Variants in MBD5 observed in about 807,000 individuals in gnomAD.
MBD5 encodes methyl-CpG binding domain protein 5.
Under a neutral mutation model 117.3 loss-of-function variants are expected in MBD5, and 13 were observed. The observed-to-expected ratio is 0.11, with a 90% CI of 0.07 to 0.18. The LOEUF (loss-of-function observed/expected upper bound fraction) is 0.18, where lower values mean the gene tolerates loss of function less well. MBD5 is among the 10% of genes least tolerant of loss of function. The pLI, the probability that MBD5 is intolerant of heterozygous loss-of-function variation, is 1.00. For synonymous variants in MBD5, 727 were observed against 766.4 expected, an observed-to-expected ratio of 0.95 and a Z score of 0.85; for missense variants, 1,879 against 2,093.8, an observed-to-expected ratio of 0.90 and a Z score of 2.00.
chr2:148,450,672 C>G (rs961508952), intron 4 of MBD5, among the ~76,000 whole-genome samples: 1 of 152,136 alleles, frequency 6.6e-6, no homozygotes, highest in Non-Finnish European at 1.5e-5. Context: ...AGGTGCAAAA[C>G]TTGAACAGTA....
chr2:148,442,121 T>TTAC lies in MBD5; in HGVS notation c.-556-16081_-556-16080insACT, dbSNP rs1179763985. On this transcript the variant is annotated intron_variant, in intron 4 of 13. Coordinates refer to ENST00000642680, the MANE Select transcript of MBD5 (RefSeq NM_001378120.1). Reference sequence around the variant, plus strand: ...GCTCTTTAGTTTACTTAGATCCCATTTGTCAATTTTGGCTTTTGTTGCCAT... The same window carrying TTAC: ...GCTCTTTAGTTTACTTAGATCCCATTTACTGTCAATTTTGGCTTTTGTTGCCAT... Among the ~76,000 whole-genome samples the TTAC allele has an allele frequency of 1.2e-3, 182 of 151,898 alleles. 2 individuals carry two copies. Among genetic ancestry groups the TTAC allele is most frequent in the African/African-American group, 3.9e-3 (159 of 41,188 alleles).
intron 4 of MBD5, among the ~76,000 whole-genome samples, chr2:148,439,505 C>T (rs1243184518): frequency 6.6e-6 from 1 of 152,036 alleles, no homozygotes; most frequent in Non-Finnish European, 1.5e-5. Flanking sequence ...ATTATAGTCC[C>T]TCAGTTTTGA....
intron 2 of MBD5, among the ~76,000 whole-genome samples, chr2:148,230,448 GCTGTC>G: frequency 6.6e-6 from 1 of 152,158 alleles, no homozygotes; most frequent in South Asian, 2.1e-4. Context: ...AGGGCAGCAG[GCTGTC>G]CTCTGACCCA....
chr2:148,176,629 G>A (rs1379858245), intron 1 of MBD5, among the ~76,000 whole-genome samples: 1 of 151,838 alleles, frequency 6.6e-6, no homozygotes, highest in Non-Finnish European at 1.5e-5. Flanking sequence ...GGCTGGTCTC[G>A]AACTCCTGAC....
In MBD5 at chr2:148,462,578, A is replaced by G. The variant is rs1204877833; in HGVS notation, c.114-4A>G. 1.3e-6 allele frequency: 2 copies of G among 1,569,538 alleles called. No homozygotes were observed. Among genetic ancestry groups the G allele is most frequent in the East Asian group, 4.5e-5 (2 of 44,526 alleles). ...CCTGATGTTTTTTTAAACTATTTTT[A>G]CAGTCCCAGTGGGTCTTTGTTATCT... is the stretch of plus-strand genomic sequence containing the variant. On this transcript the variant is annotated splice_polypyrimidine_tract_variant and splice_region_variant and intron_variant, in intron 5 of 13. Coordinates refer to ENST00000642680, the MANE Select transcript of MBD5 (RefSeq NM_001378120.1).
chr2:148,345,180 A>ATG (rs1271920032), intron 4 of MBD5, among the ~76,000 whole-genome samples: 46 of 150,728 alleles, frequency 3.1e-4, no homozygotes, highest in East Asian at 5.9e-4. Context: ...GGATATATAT[A>ATG]TGTGTGTGTG....
At chr2:148,342,956 T>C (rs1045829561) in intron 4 of MBD5, among the ~76,000 whole-genome samples, 1 of 151,978 alleles carries the variant, frequency 6.6e-6, no homozygotes, top group Non-Finnish European at 1.5e-5. Flanking sequence ...GTCCCTGTTG[T>C]CTATTGTTGC....
At position 148,323,772 on chromosome 2, in the gene MBD5, T is replaced by G. The variant is rs563781594; in HGVS notation, c.-679-18442T>G. ...TTGTCAGATGAGTAGGTTGCAAAAA[T>G]TTTCTCCCATTTTGTAGGTTGCCTG... On this transcript the variant is annotated intron_variant, in intron 3 of 13. Coordinates refer to ENST00000642680, the MANE Select transcript of MBD5 (RefSeq NM_001378120.1). Among the ~76,000 whole-genome samples, 32 of 152,266 alleles carry G rather than the reference T, an allele frequency of 2.1e-4. No homozygotes were observed. The South Asian group carries it at 3.3e-3, about 16-fold the overall frequency.
At chr2:148,037,229 A>G (rs1436745965) in intron 1 of MBD5, among the ~76,000 whole-genome samples, 1 of 151,984 alleles carries the variant, frequency 6.6e-6, no homozygotes, top group East Asian at 1.9e-4. Context: ...TCAAATAACC[A>G]AGTATTGACT....
At chr2:148,286,229 T>G (rs1167799688) in intron 3 of MBD5, among the ~76,000 whole-genome samples, 4 of 152,238 alleles carry the variant, frequency 2.6e-5, no homozygotes. Context: ...TTACTGATTT[T>G]TATTACTTTC....
chr2:148,021,705 T>C (rs1693741620), intron 1 of MBD5, 21 bp downstream of exon 1: 2 of 335,058 alleles, frequency 6.0e-6, no homozygotes, highest in Non-Finnish European at 1.2e-5. Context: ...CTGTGGGGGC[T>C]TCATTGCCTT....
intron 4 of MBD5, among the ~76,000 whole-genome samples, chr2:148,376,277 T>C (rs2105396467): frequency 6.7e-6 from 1 of 150,316 alleles, no homozygotes; most frequent in East Asian, 1.9e-4. Flanking sequence ...CTTTTCTTTT[T>C]TTTTTTTTGA....
intron 1 of MBD5, among the ~76,000 whole-genome samples, chr2:148,172,824 C>T (rs762172871): frequency 2.6e-4 from 39 of 152,098 alleles, no homozygotes; most frequent in Admixed American, 9.8e-4. Context: ...CTACCAGGTG[C>T]GGGAAGGAGC....
chr2:148,424,290 G>A (rs1705709953), intron 4 of MBD5, among the ~76,000 whole-genome samples: 1 of 148,584 alleles, frequency 6.7e-6, no homozygotes, highest in Non-Finnish European at 1.5e-5. Flanking sequence ...ACAAAGAAGG[G>A]CATTACATAA....
intron 1 of MBD5, among the ~76,000 whole-genome samples, chr2:148,043,239 C>G (rs1395573904): frequency 4.6e-5 from 7 of 150,824 alleles, no homozygotes; most frequent in Non-Finnish European, 1.0e-4. Flanking sequence ...TCCTGGCTAA[C>G]ACAGTGAAAC....
At chr2:148,220,457 T>C (rs1306880593) in intron 2 of MBD5, among the ~76,000 whole-genome samples, 1 of 152,152 alleles carries the variant, frequency 6.6e-6, no homozygotes, top group Non-Finnish European at 1.5e-5. Context: ...ATTAACAAAT[T>C]AATAAGTAGT....
At chr2:148,214,237 T>G (rs1699498559) in intron 2 of MBD5, among the ~76,000 whole-genome samples, 1 of 152,208 alleles carries the variant, frequency 6.6e-6, no homozygotes, top group Non-Finnish European at 1.5e-5. Context: ...CAGGTCTTTG[T>G]GGAGCTACTC....
intron 3 of MBD5, among the ~76,000 whole-genome samples, chr2:148,320,886 TCTCTC>T (rs770958933): frequency 2.0e-5 from 3 of 152,216 alleles, no homozygotes; most frequent in Non-Finnish European, 4.4e-5. Context: ...ATTTGGATCT[TCTCTC>T]CTCTTTTTTA....
At position 148,489,451 on chromosome 2, in the gene MBD5, A is replaced by G. The variant is rs1681445511; in HGVS notation, c.3819A>G (p.Ala1273=). 1 of 1,614,054 alleles carries G rather than the reference A, an allele frequency of 6.2e-7. No homozygotes were observed. Among genetic ancestry groups the G allele is most frequent in the Non-Finnish European group, 8.5e-7 (1 of 1,180,038 alleles). Residue 1273 remains alanine, a synonymous_variant, in exon 11 of 14, where the codon GCA becomes GCG. Transcript: ENST00000642680. ...KRISTQPGLT[A]LPENPNTTLP... ...TAAGCACTCAGCCTGGGCTCACAGCACTTCCTGAGAATCCAAACACTACAC... is the reference window on the plus strand; with the variant it reads ...TAAGCACTCAGCCTGGGCTCACAGCGCTTCCTGAGAATCCAAACACTACAC...
Sources: gnomAD v4.1 joint callset for allele counts (sites outside exome capture counted in the v4.1 genomes callset) on GRCh38, gnomAD v4.1.1 for gene constraint, MANE v1.5 for transcripts, NCBI Gene and HGNC (gene_info 2026-07-23, HGNC 2026-07-21) for gene names.